Variants in CEP83 observed in about 807,000 individuals in gnomAD.
CEP83 encodes centrosomal protein of 83 kDa.
In CEP83, 70 loss-of-function variants were observed where a neutral mutation model predicts 101.9. The observed-to-expected ratio is 0.69, with a 90% CI of 0.57 to 0.84. The LOEUF (loss-of-function observed/expected upper bound fraction) is 0.84. Ranked by LOEUF, CEP83 falls within the 40% of genes least tolerant of loss-of-function variation. The pLI, the probability that CEP83 is intolerant of heterozygous loss-of-function variation, is 0.00. For missense variants in CEP83, 715 were observed against 787.2 expected, an observed-to-expected ratio of 0.91 and a Z score of 1.10; for synonymous variants, 264 against 267.9, an observed-to-expected ratio of 0.99 and a Z score of 0.14.
chr12:94,417,165 A>C lies in CEP83; in HGVS notation c.-101-4574T>G, dbSNP rs1297449298. Among the ~76,000 whole-genome samples, 3 of 151,544 alleles carry C rather than the reference A, an allele frequency of 2.0e-5. No homozygotes were observed. The East Asian group carries it at 5.9e-4, about 30-fold the overall frequency. On this transcript the variant is annotated intron_variant, in intron 2 of 16. Coordinates refer to ENST00000397809, the MANE Select transcript of CEP83 (RefSeq NM_016122.3). ...CTTGTCTCAAAAACAAACAAAAAAAAGTCATTAGCTAGGCATGGTGGCATG... is the reference window on the plus strand; with the variant it reads ...CTTGTCTCAAAAACAAACAAAAAAACGTCATTAGCTAGGCATGGTGGCATG...
intron 1 of CEP83, among the ~76,000 whole-genome samples, chr12:94,443,855 G>T (rs189859879): frequency 1.0e-3 from 154 of 151,956 alleles, no homozygotes; most frequent in African/African-American, 3.6e-3. Flanking sequence ...TATAAACTAC[G>T]TTTTCCAAAG....
chr12:94,282,928 T>C, the CEP83 span: 2 of 153,734 alleles, frequency 1.3e-5, no homozygotes, highest in Non-Finnish European at 2.9e-5. Context: ...CGGTGAGGGG[T>C]GCACGTGACT....
chr12:94,458,694 C>A (rs190644451), intron 1 of CEP83, among the ~76,000 whole-genome samples: 1 of 152,228 alleles, frequency 6.6e-6, no homozygotes, highest in East Asian at 1.9e-4. Context: ...GCCGAGATCG[C>A]GCTACTGCAC....
intron 1 of CEP83, among the ~76,000 whole-genome samples, chr12:94,438,752 T>C (rs1417484901): frequency 6.6e-6 from 1 of 152,150 alleles, no homozygotes; most frequent in Non-Finnish European, 1.5e-5. Context: ...CATCAACACA[T>C]GGAACATTCT....
At chr12:94,330,052 G>T (rs1241775283) in intron 14 of CEP83, among the ~76,000 whole-genome samples, 1 of 152,100 alleles carries the variant, frequency 6.6e-6, no homozygotes, top group African/African-American at 2.4e-5. Context: ...CTGCTGTGTG[G>T]TTTTCAAATT....
chr12:94,274,052 G>A, the CEP83 span, among the ~76,000 whole-genome samples: 11 of 150,434 alleles, frequency 7.3e-5, no homozygotes, highest in African/African-American at 2.7e-4. Flanking sequence ...AGGGTGTGGT[G>A]GCTCACACCT....
chr12:94,309,913 C>A lies in CEP83; in HGVS notation c.2001+5G>T. ...TTTTTTTCCCCCTAAAATAAATGCT[C>A]ATACCTGCATATGAGGAGGAAATGG... On this transcript the variant is annotated splice_donor_5th_base_variant and intron_variant, in intron 16 of 16. Transcript: ENST00000397809. 2.0e-6 allele frequency: 3 copies of A among 1,528,628 alleles called. No homozygotes were observed. Among genetic ancestry groups the A allele is most frequent in the South Asian group, 2.6e-5 (2 of 77,988 alleles). The allele number at this position is 1,528,628 out of a possible 1,614,324, so 94.7% of individuals were successfully genotyped here.
chr12:94,434,877 G>T (rs1271541317), intron 2 of CEP83, among the ~76,000 whole-genome samples: 1 of 152,164 alleles, frequency 6.6e-6, no homozygotes, highest in Admixed American at 6.5e-5. Flanking sequence ...ATGAGGTCAG[G>T]TTTGAAATTT....
chr12:94,310,368 T>G (rs1416859606), intron 15 of CEP83, among the ~76,000 whole-genome samples: 1 of 152,096 alleles, frequency 6.6e-6, no homozygotes, highest in African/African-American at 2.4e-5. Context: ...TTTGATACTT[T>G]GGTACTCACT....
At chr12:94,285,484 T>A in the CEP83 span, among the ~76,000 whole-genome samples, 2 of 152,168 alleles carry the variant, frequency 1.3e-5, no homozygotes, top group African/African-American at 4.8e-5. Flanking sequence ...GGCTAGCAAC[T>A]TGCCCCGTGC....
At chr12:94,294,648 A>G in the CEP83 span, 7 of 596,270 alleles carry the variant, frequency 1.2e-5, no homozygotes, top group Non-Finnish European at 2.2e-5. Context: ...AGTTGTTGCT[A>G]TGTAATTCTC....
In CEP83 at chr12:94,428,830, C is replaced by T. The variant is rs374848144; in HGVS notation, c.-102+6445G>A. 4.6e-5 allele frequency among the ~76,000 whole-genome samples: 7 copies of T among 152,302 alleles called. 1 individual carries two copies. The highest frequency in any genetic ancestry group is 1.7e-4 in the African/African-American group (7 of 41,560). ...AATATACAGACCATCAAGTCAAGCA[C>T]ACTTCTCATGAGGAAAGAAGAGCCT... On this transcript the variant is annotated intron_variant, in intron 2 of 16. Coordinates refer to ENST00000397809, the MANE Select transcript of CEP83 (RefSeq NM_016122.3).
intron 2 of CEP83, 147 bp downstream of exon 2, chr12:94,435,128 T>A (rs2065899076): frequency 6.6e-6 from 1 of 152,192 alleles, no homozygotes; most frequent in African/African-American, 2.4e-5. Flanking sequence ...TGCACCCTAG[T>A]TCCTAACCTC....
intron 2 of CEP83, among the ~76,000 whole-genome samples, chr12:94,423,368 G>A (rs1252244029): frequency 6.6e-6 from 1 of 151,510 alleles, no homozygotes; most frequent in Non-Finnish European, 1.5e-5. Context: ...ACAGGTGTGA[G>A]CCACCATGTC....
intron 5 of CEP83, 139 bp downstream of exon 5, chr12:94,403,031 T>C (rs1703434169): frequency 6.1e-6 from 3 of 494,622 alleles, no homozygotes; most frequent in Non-Finnish European, 1.1e-5. Flanking sequence ...AGTTCAATCC[T>C]GTGAAGCCTT....
At position 94,312,906 on chromosome 12, in the gene CEP83, C is replaced by A; in HGVS notation, c.1811+8G>T. ...CACATGGGGAAGATACACATACAAA[C>A]ACATTACCTATTTAAGACCTGATTT... On this transcript the variant is annotated splice_region_variant and intron_variant, in intron 15 of 16. Transcript: ENST00000397809. 1 of 1,457,226 alleles carries A rather than the reference C, an allele frequency of 6.9e-7. No individual in the cohort carries two copies. 90.3% of individuals were successfully genotyped at this position (1,457,226 alleles called of 1,614,324 possible).
chr12:94,318,809 T>A (rs1971129669), intron 14 of CEP83, among the ~76,000 whole-genome samples: 1 of 152,120 alleles, frequency 6.6e-6, no homozygotes, highest in African/African-American at 2.4e-5. Flanking sequence ...CTGGATTCGG[T>A]TTGTAAGCAT....
At chr12:94,357,919 G>A (rs985091560) in intron 11 of CEP83, among the ~76,000 whole-genome samples, 3 of 152,128 alleles carry the variant, frequency 2.0e-5, no homozygotes, top group Admixed American at 6.5e-5. Context: ...ACGAACAGGA[G>A]GATTTGGAAG....
intron 1 of CEP83, among the ~76,000 whole-genome samples, chr12:94,456,976 C>T (rs2067727801): frequency 6.6e-6 from 1 of 152,078 alleles, no homozygotes; most frequent in African/African-American, 2.4e-5. Flanking sequence ...AAATTTAACT[C>T]ACAAATACAT....
Sources: gnomAD v4.1 joint callset for allele counts (sites outside exome capture counted in the v4.1 genomes callset) on GRCh38, gnomAD v4.1.1 for gene constraint, MANE v1.5 for transcripts, NCBI Gene and HGNC (gene_info 2026-07-23, HGNC 2026-07-21) for gene names.